LTBP3: variants seen among roughly 807,000 people sequenced by gnomAD.
LTBP3 encodes latent transforming growth factor beta binding protein 3, also known as latent-transforming growth factor beta-binding protein 3.
Under a neutral mutation model 159.7 loss-of-function variants are expected in LTBP3, and 97 were observed. The observed-to-expected ratio is 0.61, with a 90% CI of 0.52 to 0.72. The LOEUF (loss-of-function observed/expected upper bound fraction) is 0.72, where lower values mean the gene tolerates loss of function less well. Among genes scored for constraint, LTBP3 ranks in the 30% least tolerant of loss-of-function variants. The probability of loss-of-function intolerance (pLI) is 0.00; values close to 1 mark genes in which losing one functional copy is unlikely to be tolerated. For missense variants in LTBP3, 1,584 were observed against 1,864.3 expected (o/e 0.85, Z 2.77); for synonymous variants, 824 against 777.1 (o/e 1.06, Z -1.00).
In LTBP3 at chr11:65,553,790, G is replaced by A. The variant is rs1843290820; in HGVS notation, c.775C>T (p.Leu259=). 3 of 1,565,562 alleles carry A rather than the reference G, an allele frequency of 1.9e-6. No individual in the cohort carries two copies. The highest frequency in any genetic ancestry group is 2.6e-6 in the Non-Finnish European group (3 of 1,163,274). ...TGCGAGGGCTTGGGGTGCGGCAGCAGGTGCTGGGAGGGGGCTGCGCTCTCG... is the reference window on the plus strand; with the variant it reads ...TGCGAGGGCTTGGGGTGCGGCAGCAAGTGCTGGGAGGGGGCTGCGCTCTCG... ...NAESAAPSQH[L]LPHPKPSHPR... is the part of the protein sequence containing the mutation. The change falls in exon 3 of 28, where the codon CTG becomes TTG. Residue 259 remains leucine, a synonymous_variant. Transcript: ENST00000301873. The surrounding 1 kb of genome is among the most constrained non-coding windows in gnomAD (Gnocchi z 6.5).
Position 65,554,014 on chromosome 11 carries a change from A to T in LTBP3, c.661+37T>A. ...GCCCTGGCCACCCTAGTGCCCACCC[A>T]CTGGCGACCTTCCCGGGTTTGCCAG... On this transcript the variant is annotated intron_variant, in intron 2 of 27. Coordinates refer to ENST00000301873, the MANE Select transcript of LTBP3 (RefSeq NM_001130144.3). This position sits in a 1 kb window ranked among gnomAD's most constrained non-coding sequence, Gnocchi z 5.3. 6.3e-7 allele frequency: 1 copy of T among 1,596,504 alleles called. No individual in the cohort carries two copies. Among genetic ancestry groups the T allele is most frequent in the Non-Finnish European group, 8.5e-7 (1 of 1,177,396 alleles).
chr11:65,550,674 AT>A (rs1002781733), intron 11 of LTBP3, among the ~76,000 whole-genome samples: 14 of 137,470 alleles, frequency 1.0e-4, no homozygotes, highest in African/African-American at 3.8e-4. Flanking sequence ...AAAAAAAAAA[AT>A]TAGCTGGACG....
In LTBP3 at chr11:65,543,091, C is replaced by T. The variant is rs745530069; in HGVS notation, c.2596+14G>A. On this transcript the variant is annotated intron_variant, in intron 18 of 27. Transcript: ENST00000301873. ...TGCCACATCCCTCAGGAACCCTCAG[C>T]CAGTCCCCCATACCTTGGCATTTCC... is the stretch of plus-strand genomic sequence containing the variant. 6.2e-6 allele frequency: 10 copies of T among 1,613,592 alleles called. No individual in the cohort carries two copies. The Admixed American group carries it at 1.3e-4, about 22-fold the overall frequency.
chr11:65,549,477 T>A (rs922216911), intron 11 of LTBP3, among the ~76,000 whole-genome samples: 3 of 150,786 alleles, frequency 2.0e-5, no homozygotes, highest in African/African-American at 7.3e-5. Flanking sequence ...AGTGGCACGA[T>A]CTTGGCTCAC....
rs75920014 is a variant in LTBP3, at chr11:65,547,360, A to G, written c.2107+79T>C. The G allele has an allele frequency of 2.0e-6, 3 of 1,521,968 alleles. No homozygotes were observed. Among genetic ancestry groups the G allele is most frequent in the East Asian group, 2.3e-5 (1 of 44,288 alleles). The allele number at this position is 1,521,968 out of a possible 1,614,324, so 94.3% of individuals were successfully genotyped here. ...CTCCGTCTCGGGGGAAAAAAAAAAA[A>G]ATGCAGGCACCCCAGCCCCACCCCA... On this transcript the variant is annotated intron_variant, in intron 14 of 27. Transcript: ENST00000301873. The surrounding 1 kb of genome is among the most constrained non-coding windows in gnomAD (Gnocchi z 4.6).
chr11:65,540,725 C>CGGGGCCTACAGGGGGGGG, intron 21 of LTBP3, 111 bp from the exon 22 acceptor site: 2 of 1,326,010 alleles, frequency 1.5e-6, no homozygotes, highest in East Asian at 2.4e-5. Flanking sequence ...ACAGGAGGGG[C>CGGGGCCTACAGGGGGGGG]GGGGCCTACA....
In LTBP3 at chr11:65,553,466, G is replaced by A; in HGVS notation, c.929C>T (p.Ala310Val). The A allele has an allele frequency of 6.2e-7, 1 of 1,612,566 alleles. No homozygotes were observed. Among genetic ancestry groups the A allele is most frequent in the Non-Finnish European group, 8.5e-7 (1 of 1,179,916 alleles). ...CTTGTGGCACTTGCTCTGGCCCCAG[G>A]CAGTGCCGATGCTACCGCAGCAGTC... ...QEDCCGSIGT[A>V]WGQSKCHKCP... Residue 310 changes from alanine (A) to valine (V), a missense_variant, in exon 4 of 28, where the codon GCC (alanine) becomes GTC (valine). This residue lies in a region of LTBP3 where 156 missense variants were observed against 259.7 expected (regional missense o/e 0.60). Transcript: ENST00000301873. The surrounding 1 kb of genome is among the most constrained non-coding windows in gnomAD (Gnocchi z 6.5).
Position 65,546,161 on chromosome 11 carries a change from G to A in LTBP3, c.2353+281C>T, listed in dbSNP as rs1565093927. The A allele has an allele frequency of 4.1e-6, 2 of 483,216 alleles. No individual in the cohort carries two copies. Among genetic ancestry groups the A allele is most frequent in the Admixed American group, 3.8e-5 (1 of 26,504 alleles). The allele number at this position is 483,216 out of a possible 1,614,324, so 29.9% of individuals were successfully genotyped here. A position where few individuals can be genotyped will look rare whatever the true frequency, so the allele number is the denominator to read the frequency against. On this transcript the variant is annotated intron_variant, in intron 16 of 27. Transcript: ENST00000301873. The surrounding 1 kb of genome is among the most constrained non-coding windows in gnomAD (Gnocchi z 4.0). ...GCGTATAATAAACAGGAGTGCAGGG[G>A]GGAGTACTATCGTCTGCCCTCATTC...
chr11:65,541,497 G>T (rs1856135709), intron 19 of LTBP3, 103 bp downstream of exon 19: 5 of 1,579,976 alleles, frequency 3.2e-6, no homozygotes, highest in African/African-American at 2.7e-5. Context: ...GATTTCTTCC[G>T]GTTCCCCAAA....
intron 16 of LTBP3, chr11:65,545,261 C>G (rs983545818): frequency 5.1e-6 from 1 of 194,996 alleles, no homozygotes; most frequent in Non-Finnish European, 1.1e-5. Context: ...CCTGAACTGT[C>G]AGTGTCCACA....
rs959710782 is a variant in LTBP3, at chr11:65,558,152, C to T, written c.-193G>A. ...GAGATGCAGACTGGACAGCGGGGAG[C>T]GCAGAAACTTCCCAGCCCCAGGACG... On this transcript the variant is annotated 5_prime_UTR_variant, in exon 1 of 28. Transcript: ENST00000301873. The T allele has an allele frequency of 1.6e-4, 171 of 1,076,030 alleles. No homozygotes were observed. The highest frequency in any genetic ancestry group is 1.9e-4 in the Non-Finnish European group (166 of 887,434). The allele number at this position is 1,076,030 out of a possible 1,614,324, so 66.7% of individuals were successfully genotyped here. A position where few individuals can be genotyped will look rare whatever the true frequency, so the allele number is the denominator to read the frequency against.
At position 65,543,241 on chromosome 11, in the gene LTBP3, G is replaced by A. The variant is rs1245216523; in HGVS notation, c.2477-17C>T. The A allele has an allele frequency of 6.2e-7, 1 of 1,613,884 alleles. No homozygotes were observed. The highest frequency in any genetic ancestry group is 1.3e-5 in the African/African-American group (1 of 74,886). ...CATCAATGTCTGTAGGGGATGGAAG[G>A]GGTGGAGAATCTCAGGGGCTGATCA... is the stretch of plus-strand genomic sequence containing the variant. On this transcript the variant is annotated splice_polypyrimidine_tract_variant and intron_variant, in intron 17 of 27. Coordinates refer to ENST00000301873, the MANE Select transcript of LTBP3 (RefSeq NM_001130144.3).
chr11:65,541,658 G>A lies in LTBP3; in HGVS notation c.2667C>T (p.Ser889=). The change falls in exon 19 of 28, where the codon TCC becomes TCT. Residue 889 remains serine, a synonymous_variant. Transcript: ENST00000301873. ...PHGACKNLQG[S]YVCVCDEGFT... is the part of the protein sequence containing the mutation. ...AGCCCTCATCGCAGACACACACATA[G>A]GAGCCCTGAAGGTTCTTGCAGGCCC... 1.9e-6 allele frequency: 3 copies of A among 1,614,148 alleles called. No individual in the cohort carries two copies. The highest frequency in any genetic ancestry group is 2.5e-6 in the Non-Finnish European group (3 of 1,180,004).
Position 65,551,114 on chromosome 11 carries a change from G to C in LTBP3, c.1720+12C>G. ...GGCCTAGGCAGGGGTGGCTTTGCTG[G>C]GCGGGCCTTACCTGTGACCTGAGTG... On this transcript the variant is annotated intron_variant, in intron 11 of 27. Coordinates refer to ENST00000301873, the MANE Select transcript of LTBP3 (RefSeq NM_001130144.3). 1 of 1,550,570 alleles carries C rather than the reference G, an allele frequency of 6.4e-7. No homozygotes were observed. Among genetic ancestry groups the C allele is most frequent in the Non-Finnish European group, 8.7e-7 (1 of 1,147,060 alleles).
rs79315204 is a variant in LTBP3, at chr11:65,547,361, A to T, written c.2107+78T>A. The T allele has an allele frequency of 2.0e-6, 3 of 1,501,614 alleles. No homozygotes were observed. The highest frequency in any genetic ancestry group is 2.7e-6 in the Non-Finnish European group (3 of 1,109,556). 93.0% of individuals were successfully genotyped at this position (1,501,614 alleles called of 1,614,324 possible). A position where few individuals can be genotyped will look rare whatever the true frequency, so the allele number is the denominator to read the frequency against. Reference sequence around the variant, plus strand: ...TCCGTCTCGGGGGAAAAAAAAAAAAATGCAGGCACCCCAGCCCCACCCCAG... The same window carrying T: ...TCCGTCTCGGGGGAAAAAAAAAAAATTGCAGGCACCCCAGCCCCACCCCAG... On this transcript the variant is annotated intron_variant, in intron 14 of 27. Coordinates refer to ENST00000301873, the MANE Select transcript of LTBP3 (RefSeq NM_001130144.3). This position sits in a 1 kb window ranked among gnomAD's most constrained non-coding sequence, Gnocchi z 4.6.
rs1181820602 is a variant in LTBP3 at position 65,552,661 on chromosome 11, T to C, written c.1186+199A>G. 6.6e-6 allele frequency among the ~76,000 whole-genome samples: 1 copy of C among 152,184 alleles called. No homozygotes were observed. Among genetic ancestry groups the C allele is most frequent in the Non-Finnish European group, 1.5e-5 (1 of 68,030 alleles). ...CCTATGTTCTGCATGACTCTGACTC[T>C]ATGTAATCCCTGACCCCATGTGACT... On this transcript the variant is annotated intron_variant, in intron 6 of 27. Transcript: ENST00000301873. The surrounding 1 kb of genome is among the most constrained non-coding windows in gnomAD (Gnocchi z 6.0).
At position 65,548,015 on chromosome 11, in the gene LTBP3, A is replaced by G. The variant is rs1231793720; in HGVS notation, c.1751T>C (p.Ile584Thr). The G allele has an allele frequency of 6.2e-7, 1 of 1,613,814 alleles. No individual in the cohort carries two copies. The change falls in exon 12 of 28, where the codon ATC becomes ACC. Residue 584 changes from isoleucine (I) to threonine (T), a missense_variant. Physicochemically the swap from Ile to Thr is moderately conservative, Grantham distance 89. This residue lies in a region of LTBP3 where 565 missense variants were observed against 677.7 expected (regional missense o/e 0.83). Transcript: ENST00000301873. Reference sequence around the variant, plus strand: ...CGGCACGCACTCTCCGTGGCCACAGATGTTCTGGTTCAGTCGGCACTCATC... The same window carrying G: ...CGGCACGCACTCTCCGTGGCCACAGGTGTTCTGGTTCAGTCGGCACTCATC... ...ETDECRLNQN[I>T]CGHGECVPGP...
Position 65,552,848 on chromosome 11 carries a change from C to T in LTBP3, c.1186+12G>A. The T allele has an allele frequency of 6.2e-7, 1 of 1,614,120 alleles. No individual in the cohort carries two copies. Among genetic ancestry groups the T allele is most frequent in the Non-Finnish European group, 8.5e-7 (1 of 1,180,006 alleles). ...CTTGTGACCTCCCAGGAACCTGAGC[C>T]CCAGGTCTCACCAATGCACTGTGTA... On this transcript the variant is annotated intron_variant, in intron 6 of 27. Transcript: ENST00000301873. The surrounding 1 kb of genome is among the most constrained non-coding windows in gnomAD (Gnocchi z 6.0).
In LTBP3 at chr11:65,546,456, C is replaced by T. The variant is rs1344419395; in HGVS notation, c.2339G>A (p.Gly780Asp). 1 of 1,567,722 alleles carries T rather than the reference C, an allele frequency of 6.4e-7. No homozygotes were observed. Among genetic ancestry groups the T allele is most frequent in the Non-Finnish European group, 8.6e-7 (1 of 1,164,372 alleles). ...CTGGCGCTCACCCAAGCAACTGCGG[C>T]CGTCGGGCGCGGGCGCGTAGCCCTG... ...CAQGYAPAPD[G>D]RSCLDVDECE... is the part of the protein sequence containing the mutation. Residue 780 changes from glycine (G) to aspartate (D), a missense_variant, in exon 16 of 28, where the codon GGC becomes GAC. Gly to Asp is a moderately conservative substitution (Grantham distance 94). Around this residue, in one of 6 missense-constraint regions of LTBP3, gnomAD observed 565 missense variants for 677.7 expected, o/e 0.83. Coordinates refer to ENST00000301873, the MANE Select transcript of LTBP3 (RefSeq NM_001130144.3). The surrounding 1 kb of genome is among the most constrained non-coding windows in gnomAD (Gnocchi z 4.0).
Sources: allele counts gnomAD v4.1 joint callset (sites outside exome capture counted in the v4.1 genomes callset), GRCh38; gene constraint gnomAD v4.1.1; regional missense constraint gnomAD v4.1.1; non-coding constraint Gnocchi (gnomAD v3.1); transcripts MANE v1.5; gene names NCBI Gene and HGNC (gene_info 2026-07-23, HGNC 2026-07-21).